GPM6A: variants seen among roughly 807,000 people sequenced by gnomAD.
GPM6A encodes the protein neuronal membrane glycoprotein M6-a.
GPM6A carries 7 observed loss-of-function variants against 32.1 expected under a neutral mutation model. That is an observed-to-expected ratio of 0.22 (90% CI 0.12 to 0.41). The LOEUF (loss-of-function observed/expected upper bound fraction) is 0.41. Among genes scored for constraint, GPM6A ranks in the 10% least tolerant of loss-of-function variants. The pLI is 1.00. For synonymous variants in GPM6A, 130 were observed against 123.4 expected, an observed-to-expected ratio of 1.05 and a Z score of -0.35; for missense variants, 235 against 347.2, an observed-to-expected ratio of 0.68 and a Z score of 2.57.
At chr4:175,979,170 G>T (rs1204524470) in intron 1 of GPM6A, among the ~76,000 whole-genome samples, 1 of 152,150 alleles carries the variant, frequency 6.6e-6, no homozygotes, top group Non-Finnish European at 1.5e-5. Context: ...GTTTCATGAG[G>T]TGTAAGTTTA....
Position 175,634,949 on chromosome 4 carries a change from T to C in GPM6A, c.793A>G (p.Ile265Val). ...CGCTCTTTGGAGCGAGTAGAGTGGATGTCATGAAGCTCTTGCTCTTCCTTC... is the reference window on the plus strand; with the variant it reads ...CGCTCTTTGGAGCGAGTAGAGTGGACGTCATGAAGCTCTTGCTCTTCCTTC... ...KSKEEQELHD[I>V]HSTRSKERLN... Residue 265 changes from isoleucine (I) to valine (V), a missense_variant, in exon 7 of 7, where the codon ATC becomes GTC. Transcript: ENST00000393658. 1 of 1,613,872 alleles carries C rather than the reference T, an allele frequency of 6.2e-7. No individual in the cohort carries two copies.
intron 1 of GPM6A, among the ~76,000 whole-genome samples, chr4:175,843,988 C>A (rs533869278): frequency 6.6e-6 from 1 of 152,236 alleles, no homozygotes; most frequent in African/African-American, 2.4e-5. Flanking sequence ...GTTCCTCATC[C>A]CCCACCTTTG....
At chr4:175,773,965 G>C (rs1733292808) in intron 1 of GPM6A, among the ~76,000 whole-genome samples, 1 of 152,116 alleles carries the variant, frequency 6.6e-6, no homozygotes, top group African/African-American at 2.4e-5. Context: ...AAATGGAAGA[G>C]TAAATAAAAT....
chr4:175,833,973 C>T (rs1317137807), intron 1 of GPM6A, among the ~76,000 whole-genome samples: 2 of 152,060 alleles, frequency 1.3e-5, no homozygotes, highest in Admixed American at 6.6e-5. Flanking sequence ...AGTGCTGTAA[C>T]GCCGTCTCTG....
chr4:175,938,689 C>A (rs1049852681), intron 1 of GPM6A, among the ~76,000 whole-genome samples: 1 of 150,520 alleles, frequency 6.6e-6, no homozygotes, highest in Admixed American at 6.7e-5. Context: ...GGGTATTAGA[C>A]CTCTGTCAGA....
At chr4:175,826,409 A>G (rs1292648126) in intron 1 of GPM6A, among the ~76,000 whole-genome samples, 1 of 152,060 alleles carries the variant, frequency 6.6e-6, no homozygotes, top group African/African-American at 2.4e-5. Context: ...AAGCTATCAC[A>G]CTTTCCATTA....
chr4:175,803,196 C>T (rs1366605236), intron 1 of GPM6A, among the ~76,000 whole-genome samples: 1 of 151,836 alleles, frequency 6.6e-6, no homozygotes, highest in Non-Finnish European at 1.5e-5. Flanking sequence ...TCATCATCAT[C>T]ATCATCATCA....
At chr4:175,829,559 G>T (rs60456898) in intron 1 of GPM6A, among the ~76,000 whole-genome samples, 1 of 150,424 alleles carries the variant, frequency 6.6e-6, no homozygotes, top group African/African-American at 2.4e-5. Context: ...AGAGCTGTCC[G>T]CTGGGGGTTT....
intron 1 of GPM6A, among the ~76,000 whole-genome samples, chr4:175,757,012 C>G (rs757030180): frequency 6.6e-6 from 1 of 152,092 alleles, no homozygotes; most frequent in Non-Finnish European, 1.5e-5. Flanking sequence ...GAATGTGTAG[C>G]AGCTAGTCTC....
intron 1 of GPM6A, among the ~76,000 whole-genome samples, chr4:175,836,356 AT>A (rs918753618): frequency 2.0e-4 from 30 of 151,956 alleles, no homozygotes; most frequent in African/African-American, 7.3e-4. Context: ...CATGTCAGAA[AT>A]TTTTTTTAGG....
At chr4:175,989,992 TG>T (rs1741087921) in intron 1 of GPM6A, among the ~76,000 whole-genome samples, 1 of 152,208 alleles carries the variant, frequency 6.6e-6, no homozygotes, top group African/African-American at 2.4e-5. Context: ...CCTGAATCAC[TG>T]GGTTGACAGA....
chr4:175,886,107 G>A (rs1310204929), intron 1 of GPM6A, among the ~76,000 whole-genome samples: 1 of 152,040 alleles, frequency 6.6e-6, no homozygotes, highest in African/African-American at 2.4e-5. Flanking sequence ...AATATCAAAA[G>A]GAATAAAAGC....
chr4:175,774,873 TA>T (rs199527993), intron 1 of GPM6A, among the ~76,000 whole-genome samples: 3 of 152,098 alleles, frequency 2.0e-5, no homozygotes, highest in South Asian at 4.1e-4. Context: ...TGATGCTATA[TA>T]AAAAAATTCT....
At chr4:175,788,254 A>G (rs1234446053) in intron 1 of GPM6A, among the ~76,000 whole-genome samples, 1 of 152,184 alleles carries the variant, frequency 6.6e-6, no homozygotes, top group Admixed American at 6.6e-5. Context: ...CTGAAAATAG[A>G]TTTAAAGAAT....
intron 1 of GPM6A, among the ~76,000 whole-genome samples, chr4:175,946,455 C>T (rs1322263371): frequency 4.6e-5 from 7 of 152,078 alleles, no homozygotes; most frequent in South Asian, 2.1e-4. Flanking sequence ...GGGAGACAGA[C>T]AAAAACTAGT....
intron 1 of GPM6A, among the ~76,000 whole-genome samples, chr4:175,919,239 G>T (rs1738591890): frequency 6.6e-6 from 1 of 151,754 alleles, no homozygotes; most frequent in African/African-American, 2.4e-5. Flanking sequence ...GAGGTCCCTG[G>T]CAGTCTAGTA....
At chr4:175,951,760 G>A (rs1023615544) in intron 1 of GPM6A, among the ~76,000 whole-genome samples, 1 of 152,174 alleles carries the variant, frequency 6.6e-6, no homozygotes, top group Non-Finnish European at 1.5e-5. Flanking sequence ...TAATGGTATT[G>A]GTTAATGCGG....
chr4:175,815,597 G>A (rs972553520), upstream of GPM6A, among the ~76,000 whole-genome samples: 5 of 152,020 alleles, frequency 3.3e-5, no homozygotes, highest in Admixed American at 3.3e-4. Context: ...TAAAATATAT[G>A]GGCTGTAGGC....
intron 1 of GPM6A, among the ~76,000 whole-genome samples, chr4:175,834,610 C>T (rs1003755758): frequency 2.0e-5 from 3 of 151,858 alleles, no homozygotes; most frequent in Admixed American, 6.6e-5. Flanking sequence ...TATCAGCATT[C>T]TCTCACCTGT....
Sources: allele counts gnomAD v4.1 joint callset (sites outside exome capture counted in the v4.1 genomes callset), GRCh38; gene constraint gnomAD v4.1.1; transcripts MANE v1.5; gene names NCBI Gene and HGNC (gene_info 2026-07-23, HGNC 2026-07-21).